The following TMEM63A variants were observed in gnomAD, a reference collection of about 807,000 sequenced individuals.
The protein encoded by TMEM63A is mechanosensitive cation channel TMEM63A.
A neutral mutation model predicts 100.6 loss-of-function variants in TMEM63A; 76 were observed. The observed-to-expected ratio is 0.76, with a 90% CI of 0.63 to 0.91. TMEM63A has a LOEUF of 0.91. Among genes scored for constraint, TMEM63A ranks in the 40% least tolerant of loss-of-function variants. TMEM63A has a pLI of 0.00. For missense variants in TMEM63A, 876 were observed against 1,008.8 expected, an observed-to-expected ratio of 0.87 and a Z score of 1.78; for synonymous variants, 401 against 401.1, an observed-to-expected ratio of 1.00 and a Z score of 0.00.
intron 9 of TMEM63A, 106 bp downstream of exon 9, chr1:225,866,468 A>C: frequency 1.0e-6 from 1 of 971,748 alleles, no homozygotes; most frequent in African/African-American, 1.6e-5. Flanking sequence ...AGGCCCTCCC[A>C]GAGCTCATTG....
At chr1:225,852,806 T>A (rs765191119) in intron 19 of TMEM63A, 37 bp from the exon 20 acceptor site, 1 of 1,582,890 alleles carries the variant, frequency 6.3e-7, no homozygotes, top group Non-Finnish European at 8.7e-7. Flanking sequence ...CATGGACTTG[T>A]TCCACCTCAA....
rs375367553 is a variant in TMEM63A at position 225,879,371 on chromosome 1, C to T, written c.-166G>A. 2 of 152,320 alleles carry T rather than the reference C, an allele frequency of 1.3e-5. No individual in the cohort carries two copies. The highest frequency in any genetic ancestry group is 3.8e-4 in the East Asian group (2 of 5,198). The allele number at this position is 152,320 out of a possible 1,614,324, so 9.4% of individuals were successfully genotyped here. A position where few individuals can be genotyped will look rare whatever the true frequency, so the allele number is the denominator to read the frequency against. Reference sequence around the variant, plus strand: ...TAACACTCATGTCCTGCAGGGCTTTCCTGACCAGCGAGTCCTGGGGTACCA... The same window carrying T: ...TAACACTCATGTCCTGCAGGGCTTTTCTGACCAGCGAGTCCTGGGGTACCA... On this transcript the variant is annotated 5_prime_UTR_variant, in exon 2 of 25. Transcript: ENST00000366835.
intron 13 of TMEM63A, chr1:225,861,864 G>A (rs1240904602): frequency 6.7e-6 from 2 of 297,916 alleles, no homozygotes; most frequent in East Asian, 1.4e-4. Context: ...GCAGATGTCT[G>A]AAAGGAGGGT....
intron 6 of TMEM63A, 137 bp downstream of exon 6, chr1:225,870,939 G>T: frequency 3.4e-6 from 3 of 891,120 alleles, no homozygotes; most frequent in Non-Finnish European, 5.2e-6. Flanking sequence ...CTCACATACT[G>T]CTTTGGACAT....
Position 225,854,349 on chromosome 1 carries a change from G to C in TMEM63A, c.1635-558C>G, listed in dbSNP as rs564245038. ...CAGGACAAGGGATCTGTTCCAATGG[G>C]GTCAGGGAGACTACACAGATGGCCA... On this transcript the variant is annotated intron_variant, in intron 18 of 24. Coordinates refer to ENST00000366835, the MANE Select transcript of TMEM63A (RefSeq NM_014698.3). 7.9e-5 allele frequency among the ~76,000 whole-genome samples: 12 copies of C among 152,206 alleles called. No homozygotes were observed. In the South Asian group the frequency reaches 2.3e-3, roughly 29 times the overall value.
chr1:225,869,478 C>G (rs60739570), intron 6 of TMEM63A, among the ~76,000 whole-genome samples: 5,514 of 152,208 alleles, frequency 0.036, 308 homozygotes, highest in African/African-American at 0.13. Flanking sequence ...CCAAACCGAA[C>G]ATTTACAACA....
chr1:225,852,364 T>C (rs1669387050), intron 20 of TMEM63A, among the ~76,000 whole-genome samples: 1 of 152,166 alleles, frequency 6.6e-6, no homozygotes, highest in African/African-American at 2.4e-5. Flanking sequence ...CGGGCACCTG[T>C]AATCCCAGCT....
downstream of TMEM63A, among the ~76,000 whole-genome samples, chr1:225,841,504 G>T (rs565383937): frequency 2.0e-5 from 3 of 151,368 alleles, no homozygotes; most frequent in East Asian, 1.9e-4. Context: ...GGCTGGTCTC[G>T]AACTCCTGAC....
chr1:225,872,251 G>A (rs973557735), intron 4 of TMEM63A, among the ~76,000 whole-genome samples, 198 bp from the exon 5 acceptor site: 1 of 152,102 alleles, frequency 6.6e-6, no homozygotes, highest in Non-Finnish European at 1.5e-5. Context: ...CCCAGGCATG[G>A]TATAAAACTC....
chr1:225,848,663 A>G (rs548251255), intron 22 of TMEM63A, 109 bp from the exon 23 acceptor site: 1 of 1,225,038 alleles, frequency 8.2e-7, no homozygotes, highest in African/African-American at 1.5e-5. Context: ...ACCAGCTGGC[A>G]CCAAGCTCCC....
downstream of TMEM63A, chr1:225,845,231 C>A: frequency 6.2e-7 from 1 of 1,614,108 alleles, no homozygotes; most frequent in African/African-American, 1.3e-5. Flanking sequence ...GTTCAAGTAC[C>A]CAAAGCTCAT....
At chr1:225,866,189 C>T in intron 9 of TMEM63A, 2 of 569,286 alleles carry the variant, frequency 3.5e-6, no homozygotes, top group South Asian at 4.0e-5. Context: ...CTCTATGAGC[C>T]TTCTTTGCAT....
intron 23 of TMEM63A, chr1:225,848,245 G>A (rs1415733780): frequency 5.6e-6 from 3 of 538,552 alleles, no homozygotes; most frequent in Admixed American, 3.5e-5. Flanking sequence ...AAGAGAGCAG[G>A]GAACTGAAAC....
intron 3 of TMEM63A, 98 bp from the exon 4 acceptor site, chr1:225,874,465 C>A: frequency 3.8e-6 from 4 of 1,040,742 alleles, no homozygotes; most frequent in South Asian, 3.0e-5. Context: ...CCGCACTCAG[C>A]AGGGCTAGAA....
Position 225,848,573 on chromosome 1 carries a change from A to G in TMEM63A, c.2188-19T>C. 1.2e-6 allele frequency: 2 copies of G among 1,613,720 alleles called. No individual in the cohort carries two copies. Among genetic ancestry groups the G allele is most frequent in the Non-Finnish European group, 1.7e-6 (2 of 1,179,950 alleles). On this transcript the variant is annotated intron_variant, in intron 22 of 24. Coordinates refer to ENST00000366835, the MANE Select transcript of TMEM63A (RefSeq NM_014698.3). ...CTTCTGTCTGCAGATAACAGCAAAAACTTGCGATGATAAACAAAACTGATC... is the reference window on the plus strand; with the variant it reads ...CTTCTGTCTGCAGATAACAGCAAAAGCTTGCGATGATAAACAAAACTGATC...
intron 14 of TMEM63A, 78 bp downstream of exon 14, chr1:225,860,782 A>G (rs1669896434): frequency 1.5e-5 from 22 of 1,500,866 alleles, no homozygotes; most frequent in Non-Finnish European, 1.8e-5. Flanking sequence ...GCCAGGTCAC[A>G]CCTGTGCTCC....
At position 225,867,045 on chromosome 1, in the gene TMEM63A, G is replaced by C. The variant is rs558624523; in HGVS notation, c.566+67C>G. 22 of 1,566,798 alleles carry C rather than the reference G, an allele frequency of 1.4e-5. No individual in the cohort carries two copies. The highest frequency in any genetic ancestry group is 1.7e-4 in the Middle Eastern group (1 of 5,956). ...CTTTGGAGTACCTCTGGCCTGCCCC[G>C]GGCTCCTGACCTGCCTTCTCCTTGA... On this transcript the variant is annotated intron_variant, in intron 8 of 24. Transcript: ENST00000366835. This position sits in a 1 kb window ranked among gnomAD's most constrained non-coding sequence, Gnocchi z 4.6.
intron 4 of TMEM63A, among the ~76,000 whole-genome samples, chr1:225,872,549 T>TAAG (rs1203713683): frequency 2.0e-5 from 3 of 152,080 alleles, no homozygotes; most frequent in African/African-American, 7.2e-5. Flanking sequence ...TGTCAAAACA[T>TAAG]ATGTTTTAGA....
intron 3 of TMEM63A, among the ~76,000 whole-genome samples, chr1:225,875,107 T>C (rs1280601879): frequency 6.6e-6 from 1 of 152,208 alleles, no homozygotes; most frequent in African/African-American, 2.4e-5. Context: ...GTCAGTTTTT[T>C]CCTCTGAGTT....
Sources: gnomAD v4.1 joint callset for allele counts (sites outside exome capture counted in the v4.1 genomes callset) on GRCh38, gnomAD v4.1.1 for gene constraint, Gnocchi (gnomAD v3.1) non-coding constraint, MANE v1.5 for transcripts, NCBI Gene and HGNC (gene_info 2026-07-23, HGNC 2026-07-21) for gene names.